ENTREP2: variants seen among roughly 807,000 people sequenced by gnomAD.
ENTREP2 encodes protein ENTREP2.
chr15:29,497,131 C>T, the ENTREP2 span, among the ~76,000 whole-genome samples: 1 of 152,274 alleles, frequency 6.6e-6, no homozygotes, highest in East Asian at 1.9e-4. Context: ...CACTCTTTTT[C>T]TCTTCTGCCT....
At chr15:29,159,379 G>A in the ENTREP2 span, among the ~76,000 whole-genome samples, 17 of 152,190 alleles carry the variant, frequency 1.1e-4, no homozygotes, top group African/African-American at 3.4e-4. Context: ...GAGAGAGTGA[G>A]CAGCAGCAAG....
the ENTREP2 span, among the ~76,000 whole-genome samples, chr15:29,334,011 C>T: frequency 1.3e-5 from 2 of 152,272 alleles, no homozygotes; most frequent in Admixed American, 1.3e-4. Context: ...AGACCTGGAA[C>T]AGATTTTCCC....
chr15:29,644,254 G>C, the ENTREP2 span, among the ~76,000 whole-genome samples: 1 of 152,178 alleles, frequency 6.6e-6, no homozygotes, highest in Non-Finnish European at 1.5e-5. Flanking sequence ...CAGATAGAAA[G>C]TAGATTACCG....
At chr15:29,483,667 A>G in the ENTREP2 span, among the ~76,000 whole-genome samples, 2 of 152,294 alleles carry the variant, frequency 1.3e-5, no homozygotes, top group Admixed American at 6.5e-5. Flanking sequence ...TTTAATCAAG[A>G]CTACACTATC....
At chr15:29,609,855 T>C in the ENTREP2 span, 1 of 150,398 alleles carries the variant, frequency 6.6e-6, no homozygotes, top group African/African-American at 2.4e-5. Flanking sequence ...CTCAAAAATA[T>C]TTGCTAATTT....
At chr15:29,446,450 C>A in the ENTREP2 span, among the ~76,000 whole-genome samples, 1 of 152,122 alleles carries the variant, frequency 6.6e-6, no homozygotes. Context: ...GGAAGACAGA[C>A]ACGCTACTTG....
At chr15:29,471,680 G>T in the ENTREP2 span, among the ~76,000 whole-genome samples, 1 of 152,258 alleles carries the variant, frequency 6.6e-6, no homozygotes, top group Non-Finnish European at 1.5e-5. Flanking sequence ...GGGGTAATAC[G>T]TAAGCCCCGC....
the ENTREP2 span, among the ~76,000 whole-genome samples, chr15:29,271,896 G>A: frequency 1.3e-5 from 2 of 152,130 alleles, no homozygotes; most frequent in African/African-American, 2.4e-5. Flanking sequence ...CAGTGACCGA[G>A]ATATAAGGGG....
chr15:29,123,671 A>T, the ENTREP2 span: 1 of 1,543,466 alleles, frequency 6.5e-7, no homozygotes, highest in South Asian at 1.2e-5. Flanking sequence ...AATCAAGGGC[A>T]AAAGTGCAGT....
At chr15:29,511,413 C>T in the ENTREP2 span, among the ~76,000 whole-genome samples, 1 of 151,508 alleles carries the variant, frequency 6.6e-6, no homozygotes, top group Non-Finnish European at 1.5e-5. Context: ...ACTGCAACCT[C>T]CACCTCCTGA....
At chr15:29,362,367 CTTTTTT>C in the ENTREP2 span, among the ~76,000 whole-genome samples, 11 of 91,496 alleles carry the variant, frequency 1.2e-4, no homozygotes, top group African/African-American at 4.7e-4. Context: ...TGTTTTTAAT[CTTTTTT>C]TTTTTTTTTT....
chr15:29,257,711 C>G, the ENTREP2 span, among the ~76,000 whole-genome samples: 1 of 152,122 alleles, frequency 6.6e-6, no homozygotes, highest in Non-Finnish European at 1.5e-5. Context: ...ACTGGTATTA[C>G]CATTCTCTAC....
chr15:29,440,720 T>C, the ENTREP2 span, among the ~76,000 whole-genome samples: 2 of 152,144 alleles, frequency 1.3e-5, no homozygotes, highest in Non-Finnish European at 2.9e-5. Context: ...CCTCTTCCAC[T>C]GTCACCATCC....
the ENTREP2 span, chr15:29,234,965 C>A: frequency 4.7e-6 from 7 of 1,503,540 alleles, no homozygotes; most frequent in African/African-American, 1.4e-5. Context: ...GTCATTCCAA[C>A]AGATTGTATT....
the ENTREP2 span, among the ~76,000 whole-genome samples, chr15:29,282,245 C>G: frequency 2.6e-5 from 4 of 152,104 alleles, no homozygotes; most frequent in Non-Finnish European, 5.9e-5. Flanking sequence ...GTAAGTCTCA[C>G]GAGATCTGAT....
chr15:29,239,629 A>G, the ENTREP2 span, among the ~76,000 whole-genome samples: 4 of 152,216 alleles, frequency 2.6e-5, no homozygotes, highest in African/African-American at 9.7e-5. Context: ...TAAACAGCTG[A>G]CAAGGATATG....
At chr15:29,516,722 A>G in the ENTREP2 span, among the ~76,000 whole-genome samples, 2 of 152,162 alleles carry the variant, frequency 1.3e-5, no homozygotes, top group Non-Finnish European at 2.9e-5. Context: ...TGTTATGAAC[A>G]CAAGTGTGTT....
At chr15:29,597,444 T>A in the ENTREP2 span, among the ~76,000 whole-genome samples, 8 of 151,866 alleles carry the variant, frequency 5.3e-5, no homozygotes, top group Non-Finnish European at 1.0e-4. Context: ...AGTGAACGCC[T>A]GTAATCCCAG....
chr15:29,418,757 T>C, the ENTREP2 span, among the ~76,000 whole-genome samples: 1 of 152,238 alleles, frequency 6.6e-6, no homozygotes, highest in East Asian at 1.9e-4. Flanking sequence ...AGAAGGGAGC[T>C]AAACTCTGAA....
Sources: gnomAD v4.1 joint callset for allele counts (sites outside exome capture counted in the v4.1 genomes callset) on GRCh38, gnomAD v4.1.1 for gene constraint, MANE v1.5 for transcripts, NCBI Gene and HGNC (gene_info 2026-07-23, HGNC 2026-07-21) for gene names.